The following PLEKHG4B variants were observed in gnomAD, a reference collection of about 807,000 sequenced individuals.
PLEKHG4B encodes pleckstrin homology and RhoGEF domain containing G4B.
PLEKHG4B carries 111 observed loss-of-function variants against 121.3 expected under a neutral mutation model. The ratio of observed to expected loss-of-function variants is 0.92; its 90% CI spans 0.78 to 1.07. PLEKHG4B has a LOEUF of 1.07. Among genes scored for constraint, PLEKHG4B ranks in the 50% least tolerant of loss-of-function variants. The pLI is 0.00. For synonymous variants in PLEKHG4B, 738 were observed against 725.0 expected, an observed-to-expected ratio of 1.02 and a Z score of -0.29; for missense variants, 1,831 against 1,757.8, an observed-to-expected ratio of 1.04 and a Z score of -0.74.
intron 1 of PLEKHG4B, among the ~76,000 whole-genome samples, chr5:94,863 G>A (rs950046187): frequency 6.6e-6 from 1 of 152,088 alleles, no homozygotes; most frequent in Non-Finnish European, 1.5e-5. Context: ...GCTTCAGTCT[G>A]TTCATTGTTT....
At chr5:135,686 T>C (rs1375501878) in intron 2 of PLEKHG4B, among the ~76,000 whole-genome samples, 1 of 33,454 alleles carries the variant, frequency 3.0e-5, no homozygotes, top group South Asian at 9.9e-4. Flanking sequence ...AAAAAAAATA[T>C]ATATATATAT....
At chr5:181,747 G>A (rs771133052) in intron 19 of PLEKHG4B, 72 bp downstream of exon 19, 128 of 1,546,670 alleles carry the variant, frequency 8.3e-5, no homozygotes, top group Middle Eastern at 4.7e-4. Flanking sequence ...GCATGGGTAC[G>A]GTGGCATCGG....
rs563445670 is a variant in PLEKHG4B at position 140,567 on chromosome 5, C to T, written c.1328C>T (p.Ala443Val). 9.2e-5 allele frequency: 148 copies of T among 1,607,960 alleles called. No individual in the cohort carries two copies. Among genetic ancestry groups the T allele is most frequent in the Non-Finnish European group, 1.2e-4 (142 of 1,177,798 alleles). The change falls in exon 3 of 20, where the codon GCA becomes GTA. Residue 443 changes from alanine to valine, a missense_variant. By Grantham distance (64) the Ala-to-Val change is moderately conservative. Transcript: ENST00000637938. ...AGGAGATCTCGGTCCTGGGAAAGGG[C>T]ACCCAGAAGCTCCAGAGGGGCCCAG... ...LPRRSRSWER[A>V]PRSSRGAQAA...
In PLEKHG4B at chr5:184,744, G is replaced by C. The variant is rs149229620; in HGVS notation, c.*2421G>C. The stretch of plus-strand genomic sequence containing the variant: ...GGGTTAAAAGATGAGTGGCTTGGCC[G>C]GGTGCGGTGGCTCATGTCTCTAATC... On this transcript the variant is annotated 3_prime_UTR_variant, in exon 20 of 20. Transcript: ENST00000637938. The C allele has an allele frequency of 1.3e-5, 2 of 152,152 alleles. No homozygotes were observed. Among genetic ancestry groups the C allele is most frequent in the Non-Finnish European group, 2.9e-5 (2 of 68,034 alleles). The allele number at this position is 152,152 out of a possible 1,614,324, so 9.4% of individuals were successfully genotyped here. A position where few individuals can be genotyped will look rare whatever the true frequency, so the allele number is the denominator to read the frequency against.
At position 163,090 on chromosome 5, in the gene PLEKHG4B, G is replaced by A. The variant is rs3810870; in HGVS notation, c.3018G>A (p.Ala1006=). The A allele has an allele frequency of 2.8e-5, 44 of 1,563,682 alleles. No individual in the cohort carries two copies. The highest frequency in any genetic ancestry group is 7.0e-5 in the South Asian group (6 of 85,530). The change falls in exon 13 of 20, where the codon GCG becomes GCA. Residue 1006 remains alanine (A), a synonymous_variant. Transcript: ENST00000637938. ...TDSGGGAWEP[A]QPLSGLPGRA... ...GTGGGGGTGGTGCCTGGGAACCTGC[G>A]CAACCACTGTCCGGCCTCCCTGGAC...
intron 13 of PLEKHG4B, among the ~76,000 whole-genome samples, chr5:168,865 C>CTTTTTT (rs140551039): frequency 1.0e-5 from 1 of 100,458 alleles, no homozygotes; most frequent in Non-Finnish European, 2.0e-5. Context: ...GAAGATTATT[C>CTTTTTT]TTTTTTTTTT....
chr5:151,717 C>A, intron 7 of PLEKHG4B, 118 bp downstream of exon 7: 1 of 633,330 alleles, frequency 1.6e-6, no homozygotes, highest in Non-Finnish European at 2.6e-6. Context: ...ATGTGGGAGC[C>A]TGGAAACCTA....
intron 1 of PLEKHG4B, among the ~76,000 whole-genome samples, chr5:107,826 T>G (rs909189146): frequency 2.0e-5 from 3 of 152,156 alleles, no homozygotes; most frequent in South Asian, 2.1e-4. Flanking sequence ...CATCACCACC[T>G]GGCCCACTAG....
intron 13 of PLEKHG4B, among the ~76,000 whole-genome samples, chr5:167,483 AGTTATTT>A: frequency 6.6e-6 from 1 of 151,988 alleles, no homozygotes; most frequent in Non-Finnish European, 1.5e-5. Context: ...ATCAGGATCG[AGTTATTT>A]AAGGAGGTTG....
At chr5:160,469 C>A (rs138770840) in intron 11 of PLEKHG4B, among the ~76,000 whole-genome samples, 6 of 152,204 alleles carry the variant, frequency 3.9e-5, no homozygotes, top group African/African-American at 1.4e-4. Flanking sequence ...AATGGAGCCC[C>A]TAAACAGTGT....
At chr5:147,966 AG>A (rs1003192932) in intron 6 of PLEKHG4B, among the ~76,000 whole-genome samples, 1 of 152,148 alleles carries the variant, frequency 6.6e-6, no homozygotes, top group Admixed American at 6.5e-5. Flanking sequence ...AACAGAATGA[AG>A]GGGGAAAAAC....
intron 2 of PLEKHG4B, among the ~76,000 whole-genome samples, chr5:130,061 A>AAGAG (rs754535739): frequency 2.9e-4 from 43 of 150,466 alleles, no homozygotes; most frequent in African/African-American, 9.0e-4. Flanking sequence ...AGTGAATATG[A>AAGAG]AGAGAGAGTG....
chr5:175,322 C>A (rs937592530), intron 18 of PLEKHG4B, among the ~76,000 whole-genome samples: 3 of 152,096 alleles, frequency 2.0e-5, no homozygotes, highest in African/African-American at 4.8e-5. Context: ...TTGCTCCCCC[C>A]ACCGACTTCT....
intron 6 of PLEKHG4B, among the ~76,000 whole-genome samples, chr5:148,344 C>CAAAAAAAAAAAA (rs71590513): frequency 2.1e-5 from 2 of 94,330 alleles, no homozygotes; most frequent in African/African-American, 3.4e-5. Flanking sequence ...AACAGTTCCA[C>CAAAAAAAAAAAA]AAAAAAAAAA....
rs969870085 is a variant in PLEKHG4B, at chr5:185,064, CACTA to C, written c.*2744_*2747del. 6.6e-6 allele frequency: 1 copy of C among 152,102 alleles called. No individual in the cohort carries two copies. The highest frequency in any genetic ancestry group is 2.4e-5 in the African/African-American group (1 of 41,402). 9.4% of individuals were successfully genotyped at this position (152,102 alleles called of 1,614,324 possible). The stretch of plus-strand genomic sequence containing the variant: ...TGTACTGATAAACCCTTGAAACACC[CACTA>C]ACAAAGAATTACAGCTAATAGACCA... On this transcript the variant is annotated 3_prime_UTR_variant, in exon 20 of 20. Transcript: ENST00000637938.
intron 9 of PLEKHG4B, among the ~76,000 whole-genome samples, chr5:155,810 ATGTC>A (rs546635060): frequency 3.0e-4 from 46 of 152,204 alleles, no homozygotes; most frequent in Admixed American, 2.7e-3. Flanking sequence ...TGAGGTCTGC[ATGTC>A]TGTCCCTGGT....
chr5:115,170 G>A (rs759983115), intron 2 of PLEKHG4B, among the ~76,000 whole-genome samples: 1 of 152,246 alleles, frequency 6.6e-6, no homozygotes, highest in Non-Finnish European at 1.5e-5. Context: ...TGTTACCACA[G>A]ATGGAAACAT....
At chr5:163,583 G>C in intron 13 of PLEKHG4B, 35 bp downstream of exon 13, 1 of 1,475,942 alleles carries the variant, frequency 6.8e-7, no homozygotes, top group Non-Finnish European at 9.0e-7. Context: ...CGTCCTAGCA[G>C]TCCTTGGGGA....
At chr5:160,187 C>G (rs898252346) in intron 11 of PLEKHG4B, among the ~76,000 whole-genome samples, 4 of 152,256 alleles carry the variant, frequency 2.6e-5, no homozygotes, top group African/African-American at 7.2e-5. Flanking sequence ...CCTCGGCACC[C>G]TGTGTGTGGG....
Sources: allele counts gnomAD v4.1 joint callset (sites outside exome capture counted in the v4.1 genomes callset), GRCh38; gene constraint gnomAD v4.1.1; transcripts MANE v1.5; gene names NCBI Gene and HGNC (gene_info 2026-07-23, HGNC 2026-07-21).